Variants in BDP1 observed in about 807,000 individuals in gnomAD.
BDP1 encodes the protein transcription factor TFIIIB component B'' homolog.
In BDP1, 169 loss-of-function variants were observed where a neutral mutation model predicts 266.6. The ratio of observed to expected loss-of-function variants is 0.63; its 90% CI spans 0.56 to 0.72. BDP1 has a LOEUF of 0.72. BDP1 is among the 30% of genes least tolerant of loss of function. The probability of loss-of-function intolerance (pLI) is 0.00; values close to 1 mark genes in which losing one functional copy is unlikely to be tolerated. For missense variants in BDP1, 3,015 were observed against 3,053.8 expected, an observed-to-expected ratio of 0.99 and a Z score of 0.30; for synonymous variants, 1,090 against 1,022.4, an observed-to-expected ratio of 1.07 and a Z score of -1.26.
intron 26 of BDP1, among the ~76,000 whole-genome samples, chr5:71,533,858 A>G (rs1333655485): frequency 6.6e-6 from 1 of 152,134 alleles, no homozygotes. Flanking sequence ...TGTCAGGCAC[A>G]TTTTATGTTC....
intron 25 of BDP1, among the ~76,000 whole-genome samples, chr5:71,525,677 G>A (rs567518671): frequency 1.2e-4 from 13 of 111,376 alleles, no homozygotes; most frequent in East Asian, 5.1e-4. Flanking sequence ...GTGGCTGGCC[G>A]GGCGGGGGGC....
chr5:71,522,718 T>C lies in BDP1; in HGVS notation c.5194-38T>C, dbSNP rs751718123. 3.9e-6 allele frequency: 6 copies of C among 1,539,674 alleles called. No individual in the cohort carries two copies. The Admixed American group carries it at 1.3e-4, about 33-fold the overall frequency. On this transcript the variant is annotated intron_variant, in intron 23 of 38. Coordinates refer to ENST00000358731, the MANE Select transcript of BDP1 (RefSeq NM_018429.3). ...AAACCAAATTAACATAGAGATTGTT[T>C]CTGTAGTAATACTAGCTAATTTCTT...
the BDP1 span, among the ~76,000 whole-genome samples, chr5:71,576,898 C>T: frequency 2.4e-5 from 3 of 123,004 alleles, no homozygotes; most frequent in Non-Finnish European, 5.6e-5. Context: ...TGAATGGCAA[C>T]ATCTGGGTTG....
downstream of BDP1, among the ~76,000 whole-genome samples, chr5:71,570,342 T>C (rs1580246787): frequency 6.6e-6 from 1 of 152,206 alleles, no homozygotes; most frequent in Non-Finnish European, 1.5e-5. Flanking sequence ...ATTTATGGTA[T>C]ACCCATGAAG....
intron 2 of BDP1, among the ~76,000 whole-genome samples, chr5:71,460,705 C>T (rs990673978): frequency 4.6e-5 from 7 of 151,696 alleles, no homozygotes; most frequent in African/African-American, 1.7e-4. Context: ...CAGATCAAAG[C>T]CTCTAAAAAT....
At chr5:71,498,844 C>G (rs1764056000) in intron 13 of BDP1, among the ~76,000 whole-genome samples, 1 of 151,942 alleles carries the variant, frequency 6.6e-6, no homozygotes. Context: ...GTGCCTCAGC[C>G]TCCTAAGTAG....
chr5:71,475,203 G>A (rs1762510282), intron 7 of BDP1, among the ~76,000 whole-genome samples: 1 of 152,064 alleles, frequency 6.6e-6, no homozygotes, highest in African/African-American at 2.4e-5. Context: ...TACCTGCTGG[G>A]CTCAAATGAT....
At chr5:71,564,658 G>C in intron 38 of BDP1, 96 bp from the exon 39 acceptor site, 3 of 1,126,792 alleles carry the variant, frequency 2.7e-6, no homozygotes, top group Non-Finnish European at 3.7e-6. Flanking sequence ...TTTTCAAACA[G>C]ATCATATTGG....
At chr5:71,548,773 C>G in intron 33 of BDP1, 28 bp downstream of exon 33, 2 of 1,466,418 alleles carry the variant, frequency 1.4e-6, no homozygotes, top group Non-Finnish European at 1.9e-6. Flanking sequence ...AGTGACATGT[C>G]ATAGAACTTA....
chr5:71,535,174 G>A (rs1193737259), intron 26 of BDP1, among the ~76,000 whole-genome samples: 1 of 151,356 alleles, frequency 6.6e-6, no homozygotes, highest in Non-Finnish European at 1.5e-5. Flanking sequence ...AGGAGATTAT[G>A]TCCTGATAAA....
At chr5:71,555,663 T>C (rs1743166549) in intron 35 of BDP1, among the ~76,000 whole-genome samples, 1 of 152,070 alleles carries the variant, frequency 6.6e-6, no homozygotes, top group Non-Finnish European at 1.5e-5. Context: ...GGTCTCGAAC[T>C]CCGGACCTCA....
At chr5:71,490,532 C>G (rs981856178) in intron 10 of BDP1, among the ~76,000 whole-genome samples, 1 of 151,978 alleles carries the variant, frequency 6.6e-6, no homozygotes, top group African/African-American at 2.4e-5. Flanking sequence ...AGGGGGTTCT[C>G]TATGAGGTTA....
intron 11 of BDP1, among the ~76,000 whole-genome samples, chr5:71,493,923 A>C (rs552748844): frequency 3.4e-4 from 52 of 152,382 alleles, no homozygotes; most frequent in African/African-American, 1.2e-3. Flanking sequence ...CATATCCGCT[A>C]ACTTCCTGAT....
chr5:71,544,870 ACT>A (rs1405732718), intron 31 of BDP1, among the ~76,000 whole-genome samples, 167 bp from the exon 32 acceptor site: 3 of 96,650 alleles, frequency 3.1e-5, no homozygotes, highest in African/African-American at 4.2e-5. Flanking sequence ...ACAGAGTGAG[ACT>A]CTGTCTCAAA....
Position 71,461,866 on chromosome 5 carries a change from A to T in BDP1, c.539A>T (p.Asp180Val), listed in dbSNP as rs773312809. Reference protein sequence around the residue: ...YAINESQRPPDRSKMTMRDFI... With the variant: ...YAINESQRPPVRSKMTMRDFI... ...ATAAATGAAAGTCAGAGGCCACCAGATCGTTCAAAAATGACTATGAGAGAC... is the reference window on the plus strand; with the variant it reads ...ATAAATGAAAGTCAGAGGCCACCAGTTCGTTCAAAAATGACTATGAGAGAC... The change falls in exon 3 of 39, where the codon GAT (aspartate) becomes GTT (valine). Residue 180 changes from aspartate to valine, a missense_variant. Asp to Val is a radical substitution (Grantham distance 152, BLOSUM62 -3). This residue lies in a region of BDP1 where 2,383 missense variants were observed against 2,404.9 expected (regional missense o/e 0.99). Coordinates refer to ENST00000358731, the MANE Select transcript of BDP1 (RefSeq NM_018429.3). 6.2e-7 allele frequency: 1 copy of T among 1,609,786 alleles called. No individual in the cohort carries two copies. The highest frequency in any genetic ancestry group is 8.5e-7 in the Non-Finnish European group (1 of 1,177,226).
At chr5:71,478,440 A>G (rs1378068838) in intron 7 of BDP1, among the ~76,000 whole-genome samples, 1 of 151,886 alleles carries the variant, frequency 6.6e-6, no homozygotes, top group South Asian at 2.1e-4. Flanking sequence ...CTGTTGAAAA[A>G]TTTTCTGAGC....
At position 71,565,438 on chromosome 5, in the gene BDP1, A is replaced by G. The variant is rs546509014; in HGVS notation, c.*553A>G. ...TTAAAATGGAGATAAATTCCTATCA[A>G]CTAGTGACATTATAGCCATCATAAC... is the stretch of plus-strand genomic sequence containing the variant. On this transcript the variant is annotated 3_prime_UTR_variant, in exon 39 of 39. Transcript: ENST00000358731. 1.3e-5 allele frequency: 2 copies of G among 152,616 alleles called. No homozygotes were observed. Among genetic ancestry groups the G allele is most frequent in the East Asian group, 3.8e-4 (2 of 5,198 alleles). The allele number at this position is 152,616 out of a possible 1,614,324, so 9.5% of individuals were successfully genotyped here.
chr5:71,475,407 G>T (rs1003943561), intron 7 of BDP1, among the ~76,000 whole-genome samples: 1 of 152,182 alleles, frequency 6.6e-6, no homozygotes, highest in Admixed American at 6.5e-5. Context: ...ACTGTGCCTG[G>T]CCCTTCAGTG....
At position 71,489,585 on chromosome 5, in the gene BDP1, G is replaced by A; in HGVS notation, c.1395G>A (p.Arg465=). 2 of 1,614,082 alleles carry A rather than the reference G, an allele frequency of 1.2e-6. No individual in the cohort carries two copies. Among genetic ancestry groups the A allele is most frequent in the Non-Finnish European group, 1.7e-6 (2 of 1,179,990 alleles). ...TAGACCTAAATCAAAAGAAAAGAAG[G>A]AGGAAGAAGCAAGATGGAGCTAATG... The part of the protein sequence containing the change: ...LEVDLNQKKR[R]RKKQDGANEL... The change falls in exon 10 of 39, where the codon AGG becomes AGA. Residue 465 remains arginine (R), a synonymous_variant. Transcript: ENST00000358731.
Sources: allele counts gnomAD v4.1 joint callset (sites outside exome capture counted in the v4.1 genomes callset), GRCh38; gene constraint gnomAD v4.1.1; regional missense constraint gnomAD v4.1.1; transcripts MANE v1.5; gene names NCBI Gene and HGNC (gene_info 2026-07-23, HGNC 2026-07-21).